KCNJ16: variants seen among roughly 807,000 people sequenced by gnomAD.
KCNJ16 encodes inward rectifier potassium channel 16.
KCNJ16 carries 15 observed loss-of-function variants against 18.5 expected under a neutral mutation model. The observed-to-expected ratio is 0.81, with a 90% CI of 0.54 to 1.25. The LOEUF (loss-of-function observed/expected upper bound fraction) is 1.25. Ranked by LOEUF, KCNJ16 falls within the 50% of genes most tolerant of loss-of-function variation. KCNJ16 has a pLI of 0.00. For missense variants in KCNJ16, 523 were observed against 525.7 expected, an observed-to-expected ratio of 0.99 and a Z score of 0.05; for synonymous variants, 174 against 186.5, an observed-to-expected ratio of 0.93 and a Z score of 0.55.
At chr17:70,110,814 C>T (rs1438007952) in intron 2 of KCNJ16, among the ~76,000 whole-genome samples, 2 of 152,158 alleles carry the variant, frequency 1.3e-5, no homozygotes, top group African/African-American at 4.8e-5. Context: ...AAAGGCATCA[C>T]TCAATTAGCT....
At chr17:70,083,654 C>G (rs2071658390) in intron 1 of KCNJ16, among the ~76,000 whole-genome samples, 1 of 152,006 alleles carries the variant, frequency 6.6e-6, no homozygotes, top group Non-Finnish European at 1.5e-5. Flanking sequence ...TATATACACT[C>G]TATGATGTTA....
chr17:70,094,029 G>A (rs1176501765), intron 1 of KCNJ16, among the ~76,000 whole-genome samples: 1 of 152,076 alleles, frequency 6.6e-6, no homozygotes, highest in Non-Finnish European at 1.5e-5. Context: ...ATGAAGCATT[G>A]TCAAAAATAT....
intron 1 of KCNJ16, among the ~76,000 whole-genome samples, chr17:70,081,175 TTTTGTAACTTGCCTTTCA>T (rs951049780): frequency 7.3e-4 from 111 of 152,348 alleles, no homozygotes; most frequent in African/African-American, 2.6e-3. Flanking sequence ...ATGCTCTTTA[TTTTGTAACTTGCCTTTCA>T]TTTGGATCAG....
chr17:70,106,083 T>C (rs1033548274), intron 2 of KCNJ16, among the ~76,000 whole-genome samples: 2 of 152,208 alleles, frequency 1.3e-5, no homozygotes, highest in Non-Finnish European at 2.9e-5. Context: ...TTGAGCCATA[T>C]GCAGAATTAC....
intron 1 of KCNJ16, among the ~76,000 whole-genome samples, chr17:70,083,311 TA>T (rs1377562903): frequency 1.3e-5 from 2 of 148,690 alleles, no homozygotes; most frequent in Non-Finnish European, 3.0e-5. Context: ...ATATATGTAT[TA>T]GATATATACT....
rs1405953102 is a variant in KCNJ16 at position 70,133,303 on chromosome 17, C to T, written c.1216C>T (p.Leu406Phe). 4 of 1,613,884 alleles carry T rather than the reference C, an allele frequency of 2.5e-6. No individual in the cohort carries two copies. The highest frequency in any genetic ancestry group is 2.2e-5 in the East Asian group (1 of 44,884). The change falls in exon 4 of 4, where the codon CTC becomes TTC. Residue 406 changes from leucine to phenylalanine, a missense_variant. Transcript: ENST00000392671. ...TAGGGAAACACCTTATCAGAAAGCTCTCCTGACTTTAAACAGAATCTCTGT... is the reference window on the plus strand; with the variant it reads ...TAGGGAAACACCTTATCAGAAAGCTTTCCTGACTTTAAACAGAATCTCTGT... Reference protein sequence around the residue: ...EYRETPYQKALLTLNRISVES... With the variant: ...EYRETPYQKAFLTLNRISVES...
intron 1 of KCNJ16, among the ~76,000 whole-genome samples, chr17:70,080,893 A>G (rs900087907): frequency 5.9e-5 from 9 of 152,196 alleles, no homozygotes; most frequent in Admixed American, 5.9e-4. Flanking sequence ...TCTCCGATTC[A>G]AGATTTTCCT....
At chr17:70,106,968 G>C (rs928454264) in intron 2 of KCNJ16, among the ~76,000 whole-genome samples, 1 of 152,202 alleles carries the variant, frequency 6.6e-6, no homozygotes, top group Non-Finnish European at 1.5e-5. Context: ...CTGCTTTAAA[G>C]TGGCTTTTTC....
intron 1 of KCNJ16, among the ~76,000 whole-genome samples, chr17:70,085,805 C>T (rs1735821370): frequency 6.6e-6 from 1 of 152,064 alleles, no homozygotes; most frequent in African/African-American, 2.4e-5. Flanking sequence ...TCACTTTATT[C>T]AATGGGCAGA....
At chr17:70,116,328 C>G (rs193256557) in intron 2 of KCNJ16, among the ~76,000 whole-genome samples, 2 of 151,974 alleles carry the variant, frequency 1.3e-5, no homozygotes, top group Non-Finnish European at 2.9e-5. Context: ...ATGAAATCAA[C>G]CTCTCATTTA....
At chr17:70,118,703 G>A (rs998565927) in intron 2 of KCNJ16, among the ~76,000 whole-genome samples, 1 of 151,924 alleles carries the variant, frequency 6.6e-6, no homozygotes, top group Non-Finnish European at 1.5e-5. Context: ...TGAGAGATGC[G>A]CCCCCATGAT....
rs532921002 is a variant in KCNJ16, at chr17:70,090,694, C to T, written c.-299-9964C>T. On this transcript the variant is annotated intron_variant, in intron 1 of 3. Coordinates refer to ENST00000392671, the MANE Select transcript of KCNJ16 (RefSeq NM_170741.4). ...CAATACCGCTAACCCACTCACAATACGGCTAACCCACTCACAATACCGCTA... is the reference window on the plus strand; with the variant it reads ...CAATACCGCTAACCCACTCACAATATGGCTAACCCACTCACAATACCGCTA... 1.7e-3 allele frequency among the ~76,000 whole-genome samples: 260 copies of T among 152,058 alleles called. 2 individuals carry two copies. The highest frequency in any genetic ancestry group is 1.8e-3 in the Non-Finnish European group (124 of 67,984).
At chr17:70,131,043 T>C (rs1470816864) in intron 3 of KCNJ16, 68 bp downstream of exon 3, 19 of 1,402,654 alleles carry the variant, frequency 1.4e-5, no homozygotes, top group Non-Finnish European at 1.7e-5. Flanking sequence ...TTATTTTGCC[T>C]AAGGATGTCC....
intron 2 of KCNJ16, among the ~76,000 whole-genome samples, chr17:70,121,828 T>C (rs2073652521): frequency 6.6e-6 from 1 of 151,998 alleles, no homozygotes. Flanking sequence ...CTGAGTGTGG[T>C]GGCACATGCC....
chr17:70,118,583 C>T (rs1344026031), intron 2 of KCNJ16, among the ~76,000 whole-genome samples: 1 of 152,034 alleles, frequency 6.6e-6, no homozygotes, highest in Admixed American at 6.5e-5. Context: ...AGGCACATCA[C>T]ATGGTGAAAG....
At chr17:70,086,290 T>C (rs1399324453) in intron 1 of KCNJ16, among the ~76,000 whole-genome samples, 1 of 152,176 alleles carries the variant, frequency 6.6e-6, no homozygotes, top group Non-Finnish European at 1.5e-5. Context: ...TCCACTAAAA[T>C]ATTTTGTTTG....
chr17:70,075,646 C>G (rs1287114213), intron 1 of KCNJ16, among the ~76,000 whole-genome samples: 1 of 152,158 alleles, frequency 6.6e-6, no homozygotes, highest in East Asian at 1.9e-4. Flanking sequence ...GTCTGTTAAA[C>G]AGCCCTTGCC....
At chr17:70,091,726 G>T (rs772983029) in intron 1 of KCNJ16, among the ~76,000 whole-genome samples, 2 of 152,084 alleles carry the variant, frequency 1.3e-5, no homozygotes, top group African/African-American at 4.8e-5. Flanking sequence ...ACCTAGGTAG[G>T]GCTTCATTAG....
chr17:70,128,189 A>G (rs1353629723), intron 2 of KCNJ16: 2 of 152,172 alleles, frequency 1.3e-5, no homozygotes, highest in Non-Finnish European at 2.9e-5. Flanking sequence ...CAGGATGTGC[A>G]TTTGTTATGT....
Sources: gnomAD v4.1 joint callset for allele counts (sites outside exome capture counted in the v4.1 genomes callset) on GRCh38, gnomAD v4.1.1 for gene constraint, MANE v1.5 for transcripts, NCBI Gene and HGNC (gene_info 2026-07-23, HGNC 2026-07-21) for gene names.